The following PARD3B variants were observed in gnomAD, a reference collection of about 807,000 sequenced individuals.
PARD3B encodes the protein partitioning defective 3 homolog B.
Under a neutral mutation model 130.2 loss-of-function variants are expected in PARD3B, and 103 were observed. The observed-to-expected ratio is 0.79, with a 90% CI of 0.67 to 0.93. The LOEUF (loss-of-function observed/expected upper bound fraction) is 0.93, where lower values mean the gene tolerates loss of function less well. Ranked by LOEUF, PARD3B falls within the 40% of genes least tolerant of loss-of-function variation. The probability of loss-of-function intolerance (pLI) is 0.00; values close to 1 mark genes in which losing one functional copy is unlikely to be tolerated. For synonymous variants in PARD3B, 583 were observed against 553.2 expected (o/e 1.05, Z -0.76); for missense variants, 1,609 against 1,499.2 (o/e 1.07, Z -1.21).
At chr2:204,790,744 C>CTT (rs1265506794) in intron 2 of PARD3B, among the ~76,000 whole-genome samples, 1 of 152,160 alleles carries the variant, frequency 6.6e-6, no homozygotes, top group African/African-American at 2.4e-5. Context: ...CGTATTTCGT[C>CTT]TTTGTCAGCA....
Position 205,573,128 on chromosome 2 carries a change from G to A in PARD3B, c.3260+19725G>A, listed in dbSNP as rs147553293. 9.9e-4 allele frequency among the ~76,000 whole-genome samples: 150 copies of A among 152,182 alleles called. 3 individuals carry two copies. In the East Asian group the frequency reaches 0.025, roughly 25 times the overall value. Reference sequence around the variant, plus strand: ...ACAGCACGGAGGTAACCACCCCCATGATTCGACTACCTCCCACCGGTTCCC... The same window carrying A: ...ACAGCACGGAGGTAACCACCCCCATAATTCGACTACCTCCCACCGGTTCCC... On this transcript the variant is annotated intron_variant, in intron 22 of 22. Transcript: ENST00000406610.
intron 2 of PARD3B, among the ~76,000 whole-genome samples, chr2:204,875,069 A>C (rs2045783560): frequency 6.6e-6 from 1 of 152,088 alleles, no homozygotes; most frequent in Non-Finnish European, 1.5e-5. Flanking sequence ...ATGCTTTTTA[A>C]AGTTTAATCA....
intron 2 of PARD3B, among the ~76,000 whole-genome samples, chr2:204,954,157 G>C (rs1243928916): frequency 6.6e-6 from 1 of 152,138 alleles, no homozygotes; most frequent in Non-Finnish European, 1.5e-5. Context: ...ACTAGTTAAG[G>C]AGATATAGAG....
intron 3 of PARD3B, among the ~76,000 whole-genome samples, chr2:204,999,520 T>C (rs1694647711): frequency 6.6e-6 from 1 of 152,210 alleles, no homozygotes; most frequent in African/African-American, 2.4e-5. Context: ...CAGTTTCACC[T>C]GATACCAGTT....
intron 18 of PARD3B, among the ~76,000 whole-genome samples, chr2:205,314,904 C>T (rs1001876657): frequency 6.6e-6 from 1 of 152,094 alleles, no homozygotes; most frequent in African/African-American, 2.4e-5. Flanking sequence ...GGGATGCCTC[C>T]CCCTTCCCAT....
At chr2:204,679,422 A>G (rs564881398) in intron 1 of PARD3B, among the ~76,000 whole-genome samples, 3 of 152,280 alleles carry the variant, frequency 2.0e-5, no homozygotes, top group East Asian at 1.9e-4. Flanking sequence ...AAGTGATTGT[A>G]TACATTTACA....
At chr2:204,636,579 C>T (rs765353372) in intron 1 of PARD3B, among the ~76,000 whole-genome samples, 4 of 151,916 alleles carry the variant, frequency 2.6e-5, no homozygotes, top group Non-Finnish European at 5.9e-5. Flanking sequence ...AAGCAGCAGC[C>T]AGCATGTACT....
chr2:204,594,633 A>C (rs1467112437), intron 1 of PARD3B, among the ~76,000 whole-genome samples: 1 of 152,180 alleles, frequency 6.6e-6, no homozygotes, highest in African/African-American at 2.4e-5. Context: ...CGTAATTGCT[A>C]ATCACCCCTT....
intron 1 of PARD3B, among the ~76,000 whole-genome samples, chr2:204,650,560 T>C (rs2035442019): frequency 6.6e-6 from 1 of 152,312 alleles, no homozygotes; most frequent in Non-Finnish European, 1.5e-5. Context: ...TGGAATATTA[T>C]GCAGCCATAA....
chr2:204,649,114 T>G (rs1181853204), intron 1 of PARD3B, among the ~76,000 whole-genome samples: 2 of 145,970 alleles, frequency 1.4e-5, no homozygotes, highest in East Asian at 3.9e-4. Context: ...AAGACAATTT[T>G]AAATCATTGT....
At chr2:205,573,625 G>A (rs546834629) in intron 22 of PARD3B, among the ~76,000 whole-genome samples, 4 of 152,252 alleles carry the variant, frequency 2.6e-5, no homozygotes, top group South Asian at 2.1e-4. Flanking sequence ...TTGTGCCAAA[G>A]GAAAAGATTT....
intron 18 of PARD3B, among the ~76,000 whole-genome samples, chr2:205,322,750 T>C (rs1456592261): frequency 2.0e-5 from 3 of 152,160 alleles, no homozygotes; most frequent in Non-Finnish European, 4.4e-5. Flanking sequence ...AAATCTGTTC[T>C]GTGCTTGTGA....
chr2:204,942,852 T>C (rs555541753), intron 2 of PARD3B, among the ~76,000 whole-genome samples: 1 of 152,206 alleles, frequency 6.6e-6, no homozygotes, highest in African/African-American at 2.4e-5. Context: ...TAAGAAATAC[T>C]TTTTGTGAAA....
chr2:205,577,864 C>A (rs2053818852), intron 22 of PARD3B, among the ~76,000 whole-genome samples: 1 of 152,176 alleles, frequency 6.6e-6, no homozygotes, highest in South Asian at 2.1e-4. Context: ...TGATTCAGAA[C>A]TACCCATTGC....
chr2:205,417,010 G>A (rs769449223), intron 19 of PARD3B, among the ~76,000 whole-genome samples: 91 of 151,738 alleles, frequency 6.0e-4, no homozygotes, highest in African/African-American at 2.0e-3. Flanking sequence ...TACATGTGCC[G>A]TGTTGGTGTG....
rs1440792832 is a variant in PARD3B, at chr2:205,158,964, T to C, written c.1620+57T>C. 6.4e-7 allele frequency: 1 copy of C among 1,574,502 alleles called. No individual in the cohort carries two copies. Among genetic ancestry groups the C allele is most frequent in the Non-Finnish European group, 8.7e-7 (1 of 1,149,154 alleles). On this transcript the variant is annotated intron_variant, in intron 11 of 22. Coordinates refer to ENST00000406610, the MANE Select transcript of PARD3B (RefSeq NM_001302769.2). This position sits in a 1 kb window ranked among gnomAD's most constrained non-coding sequence, Gnocchi z 5.4. ...AGAAGGCACTTGGAGATGTGACTGT[T>C]GTACTTAGAGACTGAATGGAGAAAG... is the stretch of plus-strand genomic sequence containing the variant.
intron 3 of PARD3B, among the ~76,000 whole-genome samples, chr2:205,009,836 GT>G: frequency 6.6e-6 from 1 of 152,174 alleles, no homozygotes; most frequent in Admixed American, 6.5e-5. Context: ...TACCTGTTAA[GT>G]TTTTTAAAAA....
intron 2 of PARD3B, among the ~76,000 whole-genome samples, chr2:204,830,059 C>T (rs1348003884): frequency 1.3e-5 from 2 of 151,496 alleles, no homozygotes; most frequent in African/African-American, 4.9e-5. Flanking sequence ...GCTCTCTCTC[C>T]TGCCACCATG....
intron 2 of PARD3B, among the ~76,000 whole-genome samples, chr2:204,854,857 A>G (rs1310376563): frequency 6.6e-6 from 1 of 152,184 alleles, no homozygotes; most frequent in African/African-American, 2.4e-5. Context: ...CTGGACACAC[A>G]CAAGGAGTTT....
Sources: gnomAD v4.1 joint callset for allele counts (sites outside exome capture counted in the v4.1 genomes callset) on GRCh38, gnomAD v4.1.1 for gene constraint, Gnocchi (gnomAD v3.1) non-coding constraint, MANE v1.5 for transcripts, NCBI Gene and HGNC (gene_info 2026-07-23, HGNC 2026-07-21) for gene names.